The following PNO1 variants were observed in gnomAD, a reference collection of about 807,000 sequenced individuals.
PNO1 encodes the protein partner of NOB1 homolog.
PNO1 carries 16 observed loss-of-function variants against 28.4 expected under a neutral mutation model. The observed-to-expected ratio is 0.56, with a 90% confidence interval of 0.38 to 0.85. The LOEUF (loss-of-function observed/expected upper bound fraction) is 0.85. Among genes scored for constraint, PNO1 ranks in the 40% least tolerant of loss-of-function variants. PNO1 has a pLI of 0.00. For missense variants in PNO1, 304 were observed against 312.2 expected, an observed-to-expected ratio of 0.97 and a Z score of 0.20; for synonymous variants, 115 against 110.8, an observed-to-expected ratio of 1.04 and a Z score of -0.24.
At chr2:68,170,420 T>C (rs558769527) in intron 5 of PNO1, among the ~76,000 whole-genome samples, 5 of 152,110 alleles carry the variant, frequency 3.3e-5, no homozygotes, top group African/African-American at 1.2e-4. Context: ...TTTAAATAAT[T>C]TTAATCAAAG....
intron 5 of PNO1, among the ~76,000 whole-genome samples, chr2:68,166,824 G>A (rs541952022): frequency 2.0e-5 from 3 of 152,184 alleles, no homozygotes; most frequent in African/African-American, 4.8e-5. Flanking sequence ...CTCATCACCC[G>A]GCACTGCTTC....
Position 68,158,393 on chromosome 2 carries a change from A to C in PNO1, c.221A>C (p.Glu74Ala), listed in dbSNP as rs1380724411. 1 of 1,610,824 alleles carries C rather than the reference A, an allele frequency of 6.2e-7. No individual in the cohort carries two copies. Among genetic ancestry groups the C allele is most frequent in the African/African-American group, 1.3e-5 (1 of 74,584 alleles). The change falls in exon 2 of 7, where the codon GAA (glutamate) becomes GCA (alanine). Residue 74 changes from glutamate (E) to alanine (A), a missense_variant. Glu to Ala is a moderately radical substitution (Grantham distance 107). Transcript: ENST00000263657. ...CGDGLLSGKE[E>A]TRKIPVPANR... ...TTTTATTTACAGAGTGGGAAAGAAG[A>C]AACAAGGAAAATTCCAGTCCCAGCT...
chr2:68,168,448 T>C (rs1046184570), intron 5 of PNO1, among the ~76,000 whole-genome samples: 2 of 152,184 alleles, frequency 1.3e-5, no homozygotes, highest in Non-Finnish European at 2.9e-5. Flanking sequence ...AGTTACTGTT[T>C]GTGGAACAGA....
chr2:68,169,691 A>G (rs1004165001), intron 5 of PNO1, among the ~76,000 whole-genome samples: 1 of 152,214 alleles, frequency 6.6e-6, no homozygotes, highest in Non-Finnish European at 1.5e-5. Flanking sequence ...TTTTTATAAT[A>G]GATTTGTGTA....
chr2:68,174,772 T>C lies in PNO1; in HGVS notation c.729T>C (p.Ala243=). ...CCAAGGTTTATGGCAATATTCGAGC[T>C]GTGGCTAGCAGATCAGCAGATCGAT... The part of the protein sequence containing the change: ...PPSKVYGNIR[A]VASRSADRF Residue 243 remains alanine (A), a synonymous_variant, in exon 7 of 7, where the codon GCT becomes GCC. Transcript: ENST00000263657. 1.2e-6 allele frequency: 2 copies of C among 1,610,594 alleles called. No homozygotes were observed.
At chr2:68,165,387 A>ACAAC (rs762296393) in intron 5 of PNO1, among the ~76,000 whole-genome samples, 1,645 of 131,218 alleles carry the variant, frequency 0.013, 68 homozygotes, top group African/African-American at 0.047. Context: ...AAACAACAAA[A>ACAAC]AAAAAAAAAC....
chr2:68,161,212 C>T (rs978373435), intron 2 of PNO1: 10 of 471,062 alleles, frequency 2.1e-5, no homozygotes, highest in Non-Finnish European at 4.4e-5. Context: ...TTTCCCCAAT[C>T]AGTGCATGCA....
rs552337960 is a variant in PNO1, at chr2:68,174,145, G to A, written c.692-590G>A. ...CTGATAAGAGTTGCAGGATCTTAGC[G>A]GCTTGCTCAGAAAATTGGGATTTTC... On this transcript the variant is annotated intron_variant, in intron 6 of 6. Transcript: ENST00000263657. Among the ~76,000 whole-genome samples, 144 of 152,248 alleles carry A rather than the reference G, an allele frequency of 9.5e-4. 1 individual carries two copies. Among genetic ancestry groups the A allele is most frequent in the Middle Eastern group, 6.8e-3 (2 of 294 alleles).
intron 3 of PNO1, 126 bp downstream of exon 3, chr2:68,161,892 T>C: frequency 3.0e-6 from 2 of 662,354 alleles, no homozygotes. Flanking sequence ...CTCAGCACTC[T>C]GGGAGGCTGA....
At chr2:68,162,206 T>TA in intron 3 of PNO1, 59 bp from the exon 4 acceptor site, 1 of 1,262,286 alleles carries the variant, frequency 7.9e-7, no homozygotes, top group Non-Finnish European at 1.1e-6. Flanking sequence ...CTTTGCACTT[T>TA]ACTCTTTTTC....
At chr2:68,166,152 T>A (rs1673991598) in intron 5 of PNO1, among the ~76,000 whole-genome samples, 3 of 152,256 alleles carry the variant, frequency 2.0e-5, no homozygotes, top group Non-Finnish European at 2.9e-5. Flanking sequence ...CAGTAGTTCC[T>A]TTTTATTGGC....
chr2:68,170,872 A>G (rs1674115183), intron 5 of PNO1, among the ~76,000 whole-genome samples: 1 of 151,864 alleles, frequency 6.6e-6, no homozygotes. Flanking sequence ...GTATTTCCAG[A>G]TATTTTGTTC....
intron 5 of PNO1, among the ~76,000 whole-genome samples, chr2:68,171,713 A>C (rs1674136995): frequency 6.6e-6 from 1 of 152,148 alleles, no homozygotes; most frequent in South Asian, 2.1e-4. Flanking sequence ...AAAGGGAGAG[A>C]GCGGAGAGTG....
At chr2:68,173,216 T>G in intron 5 of PNO1, 131 bp from the exon 6 acceptor site, 1 of 611,358 alleles carries the variant, frequency 1.6e-6, no homozygotes, top group Non-Finnish European at 2.9e-6. Flanking sequence ...GGCGTCTCAT[T>G]ATGCTGTCCA....
intron 5 of PNO1, among the ~76,000 whole-genome samples, chr2:68,167,529 C>G (rs1189548776): frequency 6.6e-6 from 1 of 152,226 alleles, no homozygotes; most frequent in East Asian, 1.9e-4. Context: ...GATCATAAAC[C>G]TGACTGCATT....
chr2:68,173,284 T>C, intron 5 of PNO1, 63 bp from the exon 6 acceptor site: 1 of 1,008,642 alleles, frequency 9.9e-7, no homozygotes, highest in Non-Finnish European at 1.6e-6. Context: ...TCCAAAGTGC[T>C]GGGATTACAG....
In PNO1 at chr2:68,157,994, C is replaced by T. The variant is rs368942921; in HGVS notation, c.60C>T (p.Thr20=). Residue 20 remains threonine, a synonymous_variant, in exon 1 of 7, where the codon ACC becomes ACT. Transcript: ENST00000263657. ...CAGAGGAGGGCTTTACCCAGGTCAC[C>T]CGCAAGGGTGGCCGACGGGCGAAGA... ...ARAEEGFTQV[T]RKGGRRAKKR... 1 of 1,614,146 alleles carries T rather than the reference C, an allele frequency of 6.2e-7. No homozygotes were observed. Among genetic ancestry groups the T allele is most frequent in the Non-Finnish European group, 8.5e-7 (1 of 1,180,030 alleles).
At chr2:68,161,630 A>G in intron 2 of PNO1, 53 bp from the exon 3 acceptor site, 1 of 1,103,434 alleles carries the variant, frequency 9.1e-7, no homozygotes. Flanking sequence ...TTGTTAGGAC[A>G]TTTTCTGTTT....
rs573072714 is a variant in PNO1, at chr2:68,163,050, C to T, written c.620+387C>T. Among the ~76,000 whole-genome samples the T allele has an allele frequency of 6.6e-5, 10 of 152,244 alleles. 1 individual carries two copies. The South Asian group carries it at 1.9e-3, about 28-fold the overall frequency. ...TCTGAATGTGTATCACCTTTGCACC[C>T]TTGTAAAGTTGAAAAATCCCAGTTC... On this transcript the variant is annotated intron_variant, in intron 5 of 6. Coordinates refer to ENST00000263657, the MANE Select transcript of PNO1 (RefSeq NM_020143.4).
Sources: gnomAD v4.1 joint callset for allele counts (sites outside exome capture counted in the v4.1 genomes callset) on GRCh38, gnomAD v4.1.1 for gene constraint, MANE v1.5 for transcripts, NCBI Gene and HGNC (gene_info 2026-07-23, HGNC 2026-07-21) for gene names.